Variants in AGBL1 observed in about 807,000 individuals in gnomAD.
AGBL1 encodes the protein cytosolic carboxypeptidase 4.
In AGBL1, 130 loss-of-function variants were observed where a neutral mutation model predicts 118.9. The observed-to-expected ratio is 1.09, with a 90% confidence interval of 0.95 to 1.26. The LOEUF (loss-of-function observed/expected upper bound fraction) is 1.26. Ranked by LOEUF, AGBL1 falls within the 50% of genes most tolerant of loss-of-function variation. The pLI, the probability that AGBL1 is intolerant of heterozygous loss-of-function variation, is 0.00. For missense variants in AGBL1, 1,584 were observed against 1,298.1 expected (o/e 1.22, Z -3.38); for synonymous variants, 555 against 478.9 (o/e 1.16, Z -2.08).
chr15:86,738,969 C>T (rs1467607993), intron 22 of AGBL1, among the ~76,000 whole-genome samples: 2 of 151,518 alleles, frequency 1.3e-5, no homozygotes, highest in Non-Finnish European at 2.9e-5. Context: ...GAGACCTCAT[C>T]TCTAAAAAAA....
chr15:86,248,006 CGGATGTTCT>C, intron 7 of AGBL1, 127 bp downstream of exon 7: 1 of 1,254,156 alleles, frequency 8.0e-7, no homozygotes, highest in Non-Finnish European at 1.1e-6. Context: ...CTGCTAAGGG[CGGATGTTCT>C]GGATTTAAGG....
At chr15:86,602,627 T>A (rs2084513920) in intron 21 of AGBL1, among the ~76,000 whole-genome samples, 1 of 152,146 alleles carries the variant, frequency 6.6e-6, no homozygotes, top group South Asian at 2.1e-4. Flanking sequence ...ACATGAATGA[T>A]CTAGTTAACA....
intron 21 of AGBL1, among the ~76,000 whole-genome samples, chr15:86,654,584 A>G (rs2085432227): frequency 6.6e-6 from 1 of 152,070 alleles, no homozygotes; most frequent in Admixed American, 6.6e-5. Flanking sequence ...ACATTGTTGT[A>G]TTTTTTAAGT....
At chr15:86,670,285 T>C (rs924865733) in intron 21 of AGBL1, among the ~76,000 whole-genome samples, 1 of 151,990 alleles carries the variant, frequency 6.6e-6, no homozygotes, top group Non-Finnish European at 1.5e-5. Context: ...AGTTTCAGCA[T>C]GAGGGTCAGC....
At chr15:86,898,598 C>T (rs1359966499) in intron 22 of AGBL1, among the ~76,000 whole-genome samples, 1 of 152,070 alleles carries the variant, frequency 6.6e-6, no homozygotes, top group Non-Finnish European at 1.5e-5. Flanking sequence ...AAACTATCAA[C>T]ACAGTAAACA....
intron 1 of AGBL1, chr15:86,140,058 TGGTGGTCA>T (rs962918401): frequency 2.1e-5 from 4 of 189,790 alleles, no homozygotes; most frequent in African/African-American, 7.0e-5. Flanking sequence ...ACAGCGCCCC[TGGTGGTCA>T]GGTCTTGGTA....
intron 22 of AGBL1, among the ~76,000 whole-genome samples, chr15:86,693,010 T>C (rs763631612): frequency 4.6e-5 from 7 of 152,200 alleles, no homozygotes; most frequent in Admixed American, 1.3e-4. Flanking sequence ...CTCTTGTTGA[T>C]TGATAGGCTT....
chr15:86,516,918 A>G (rs990236394), intron 18 of AGBL1, among the ~76,000 whole-genome samples: 2 of 151,986 alleles, frequency 1.3e-5, no homozygotes, highest in Non-Finnish European at 2.9e-5. Context: ...GTCTGAGCTG[A>G]TTTCAGCTGA....
intron 21 of AGBL1, among the ~76,000 whole-genome samples, chr15:86,610,185 C>A (rs568161969): frequency 6.6e-6 from 1 of 152,168 alleles, no homozygotes; most frequent in African/African-American, 2.4e-5. Context: ...ATAGTCATTT[C>A]GTCTCTTTTG....
chr15:86,972,222 C>T (rs1048876729), intron 23 of AGBL1, among the ~76,000 whole-genome samples: 1 of 151,982 alleles, frequency 6.6e-6, no homozygotes. Context: ...ACTCTGTGAG[C>T]CCTAGTTGCC....
chr15:86,097,757 T>C (rs999593756), intron 1 of AGBL1, among the ~76,000 whole-genome samples: 1 of 152,182 alleles, frequency 6.6e-6, no homozygotes, highest in Non-Finnish European at 1.5e-5. Flanking sequence ...TGATTCCCTA[T>C]CTTGGCTCTT....
At chr15:87,020,330 T>C (rs2081652194) in intron 24 of AGBL1, among the ~76,000 whole-genome samples, 1 of 152,020 alleles carries the variant, frequency 6.6e-6, no homozygotes, top group Admixed American at 6.6e-5. Context: ...CTCAATAAAC[T>C]AGGAACTGAA....
chr15:87,027,562 A>G (rs1027988056), intron 24 of AGBL1, among the ~76,000 whole-genome samples: 2 of 151,826 alleles, frequency 1.3e-5, no homozygotes, highest in African/African-American at 4.8e-5. Flanking sequence ...AAATCATTCT[A>G]TTATAAAGAT....
chr15:86,815,356 C>T (rs768434709), intron 22 of AGBL1, among the ~76,000 whole-genome samples: 25 of 152,140 alleles, frequency 1.6e-4, no homozygotes, highest in Non-Finnish European at 3.2e-4. Context: ...TTATAGGGTC[C>T]ACCACCAATT....
At chr15:86,140,029 G>C (rs552505681) in intron 1 of AGBL1, 2 of 178,200 alleles carry the variant, frequency 1.1e-5, no homozygotes, top group East Asian at 2.7e-4. Flanking sequence ...GAGAGCCCCT[G>C]TCTGGGTAGC....
At chr15:86,202,856 C>T (rs1452059365) in intron 5 of AGBL1, among the ~76,000 whole-genome samples, 2 of 152,058 alleles carry the variant, frequency 1.3e-5, no homozygotes, top group Non-Finnish European at 2.9e-5. Flanking sequence ...TTATCAGGGT[C>T]CATCCCTGCT....
At chr15:86,942,685 T>C (rs2080768492) in intron 23 of AGBL1, among the ~76,000 whole-genome samples, 1 of 152,220 alleles carries the variant, frequency 6.6e-6, no homozygotes, top group Non-Finnish European at 1.5e-5. Flanking sequence ...TGAGCGTTTG[T>C]GATTCAAAGC....
intron 22 of AGBL1, among the ~76,000 whole-genome samples, chr15:86,825,395 A>AAAAAAAAAAAAAAAG (rs2078993834): frequency 9.7e-6 from 1 of 102,982 alleles, no homozygotes; most frequent in Non-Finnish European, 2.2e-5. Flanking sequence ...TGTAAAAAAA[A>AAAAAAAAAAAAAAAG]AAAAAAAAAA....
chr15:86,292,360 C>T (rs1055945898), intron 16 of AGBL1, among the ~76,000 whole-genome samples: 2 of 151,986 alleles, frequency 1.3e-5, no homozygotes, highest in Admixed American at 6.6e-5. Context: ...ATGCAGGTGA[C>T]CTCTAGAAGC....
Sources: gnomAD v4.1 joint callset for allele counts (sites outside exome capture counted in the v4.1 genomes callset) on GRCh38, gnomAD v4.1.1 for gene constraint, MANE v1.5 for transcripts, NCBI Gene and HGNC (gene_info 2026-07-23, HGNC 2026-07-21) for gene names.